The following TASOR variants were observed in gnomAD, a reference collection of about 807,000 sequenced individuals.
TASOR encodes the protein transcription activation suppressor, also known as protein TASOR.
A neutral mutation model predicts 178.6 loss-of-function variants in TASOR; 53 were observed. The observed-to-expected ratio is 0.30, with a 90% confidence interval of 0.24 to 0.37. The LOEUF (loss-of-function observed/expected upper bound fraction) is 0.37, where lower values mean the gene tolerates loss of function less well. Ranked by LOEUF, TASOR falls within the 10% of genes least tolerant of loss-of-function variation. TASOR has a pLI of 1.00. For missense variants in TASOR, 1,815 were observed against 1,971.4 expected (o/e 0.92, Z 1.50); for synonymous variants, 713 against 696.2 (o/e 1.02, Z -0.38).
rs1342000343 is a variant in TASOR at position 56,668,574 on chromosome 3, C to T, written c.736-16G>A. 1 of 1,514,558 alleles carries T rather than the reference C, an allele frequency of 6.6e-7. No homozygotes were observed. Among genetic ancestry groups the T allele is most frequent in the African/African-American group, 1.4e-5 (1 of 71,354 alleles). 93.8% of individuals were successfully genotyped at this position (1,514,558 alleles called of 1,614,324 possible). A position where few individuals can be genotyped will look rare whatever the true frequency, so the allele number is the denominator to read the frequency against. On this transcript the variant is annotated splice_polypyrimidine_tract_variant and intron_variant, in intron 5 of 23. Transcript: ENST00000683822. ...TTATTTTACCCTAAAATAGAGAAAACCTTTTAAGTGTCTACCTAAACCTAA... is the reference window on the plus strand; with the variant it reads ...TTATTTTACCCTAAAATAGAGAAAATCTTTTAAGTGTCTACCTAAACCTAA...
chr3:56,628,549 T>C lies in TASOR; in HGVS notation c.3813A>G (p.Lys1271=), dbSNP rs1286123829. 9 of 1,600,660 alleles carry C rather than the reference T, an allele frequency of 5.6e-6. No individual in the cohort carries two copies. The highest frequency in any genetic ancestry group is 6.8e-6 in the Non-Finnish European group (8 of 1,169,742). The change falls in exon 19 of 24, where the codon AAA becomes AAG. Residue 1271 remains lysine, a synonymous_variant. Coordinates refer to ENST00000683822, the MANE Select transcript of TASOR (RefSeq NM_001365635.2). The stretch of plus-strand genomic sequence containing the variant: ...GAATAATAATCAATAGTTTATCTAA[T>C]TTTGATCTTCTTTCCAAAAACTGTT... The part of the protein sequence containing the change: ...HPEQFLERRS[K]LDKLLIIIQN...
chr3:56,639,532 G>T (rs946245730), intron 16 of TASOR, among the ~76,000 whole-genome samples: 4 of 152,164 alleles, frequency 2.6e-5, no homozygotes, highest in African/African-American at 7.2e-5. Flanking sequence ...AGATAATCCA[G>T]TATTAAGAAA....
intron 23 of TASOR, 120 bp from the exon 24 acceptor site, chr3:56,623,686 A>G: frequency 6.5e-6 from 10 of 1,546,618 alleles, no homozygotes; most frequent in Non-Finnish European, 8.7e-6. Flanking sequence ...AATCCCTTAA[A>G]GCTTGGTCTT....
At chr3:56,673,433 C>CAAAAAA (rs5849162) in intron 2 of TASOR, 147 bp downstream of exon 2, 20 of 194,746 alleles carry the variant, frequency 1.0e-4, no homozygotes, top group South Asian at 1.9e-4. Context: ...ACTCCGTCTC[C>CAAAAAA]AAAAAAAAAA....
At chr3:56,661,163 G>C (rs909585202) in intron 9 of TASOR, 146 bp from the exon 10 acceptor site, 8 of 615,756 alleles carry the variant, frequency 1.3e-5, no homozygotes, top group African/African-American at 1.9e-5. Context: ...CTTTTGTTTC[G>C]TTTGTGACAG....
intron 4 of TASOR, 136 bp downstream of exon 4, chr3:56,669,937 G>A: frequency 1.2e-6 from 1 of 867,784 alleles, no homozygotes; most frequent in South Asian, 1.9e-5. Flanking sequence ...TTACATTTCA[G>A]AACCTATGAC....
chr3:56,677,419 C>T (rs1310658912), intron 1 of TASOR, among the ~76,000 whole-genome samples: 2 of 152,218 alleles, frequency 1.3e-5, no homozygotes, highest in Non-Finnish European at 2.9e-5. Flanking sequence ...AAGAGCTTTA[C>T]ATATATCATC....
rs2107545257 is a variant in TASOR, at chr3:56,633,479, A to G, written c.3312T>C (p.Pro1104=). ...ATGCTATCTTAGCACCAGAATCGTT[A>G]GGACTGACTGGTGGCAAATTCCCAC... ...AKGGNLPPVS[P]NDSGAKIASN... is the part of the protein sequence containing the mutation. The change falls in exon 18 of 24, where the codon CCT becomes CCC. Residue 1104 remains proline (P), a synonymous_variant. Transcript: ENST00000683822. 6.2e-7 allele frequency: 1 copy of G among 1,614,184 alleles called. No homozygotes were observed. The highest frequency in any genetic ancestry group is 8.5e-7 in the Non-Finnish European group (1 of 1,180,026).
At position 56,625,452 on chromosome 3, in the gene TASOR, A is replaced by AG. The variant is rs555946756; in HGVS notation, c.4140-447dup. Reference sequence around the variant, plus strand: ...CACCTGAGATCAGGAGTTCGAGACCAGCCTGGCCAACATGGTGAAACCCCA... The same window carrying AG: ...CACCTGAGATCAGGAGTTCGAGACCAGGCCTGGCCAACATGGTGAAACCCCA... On this transcript the variant is annotated intron_variant, in intron 21 of 23. Transcript: ENST00000683822. Among the ~76,000 whole-genome samples the AG allele has an allele frequency of 2.0e-3, 299 of 152,294 alleles. 12 individuals are homozygous for AG. The South Asian group carries it at 0.057, about 29-fold the overall frequency.
intron 11 of TASOR, among the ~76,000 whole-genome samples, chr3:56,651,121 T>C (rs1364020741): frequency 6.6e-6 from 1 of 152,122 alleles, no homozygotes; most frequent in African/African-American, 2.4e-5. Flanking sequence ...ACAAGCAATC[T>C]ATGATCAGAA....
chr3:56,653,862 T>C (rs2077412668), intron 11 of TASOR, among the ~76,000 whole-genome samples: 3 of 152,116 alleles, frequency 2.0e-5, no homozygotes, highest in African/African-American at 7.2e-5. Flanking sequence ...AAATGAATAA[T>C]GAAAATACTG....
intron 18 of TASOR, among the ~76,000 whole-genome samples, chr3:56,629,957 T>C (rs1468984172): frequency 1.4e-5 from 2 of 141,890 alleles, no homozygotes; most frequent in Admixed American, 7.6e-5. Context: ...CCATCTGACA[T>C]GCCTGCTGGT....
chr3:56,639,559 T>G (rs1030869348), intron 16 of TASOR, among the ~76,000 whole-genome samples: 4 of 152,268 alleles, frequency 2.6e-5, no homozygotes, highest in Non-Finnish European at 5.9e-5. Context: ...TTCTAATAGA[T>G]GAACCTCAAC....
intron 4 of TASOR, 98 bp downstream of exon 4, chr3:56,669,975 C>A: frequency 2.1e-6 from 2 of 934,652 alleles, no homozygotes; most frequent in South Asian, 1.7e-5. Flanking sequence ...CATAATAAAG[C>A]ATGAATTTAA....
chr3:56,675,336 C>G (rs1047570653), intron 1 of TASOR, among the ~76,000 whole-genome samples: 5 of 151,710 alleles, frequency 3.3e-5, no homozygotes, highest in Non-Finnish European at 7.4e-5. Context: ...GCTACCACGC[C>G]CAGCTAATTT....
At position 56,633,046 on chromosome 3, in the gene TASOR, T is replaced by G. The variant is rs2076949394; in HGVS notation, c.3745A>C (p.Lys1249Gln). 6.4e-7 allele frequency: 1 copy of G among 1,566,526 alleles called. No homozygotes were observed. Among genetic ancestry groups the G allele is most frequent in the Non-Finnish European group, 8.6e-7 (1 of 1,162,422 alleles). The change falls in exon 18 of 24, where the codon AAG (lysine) becomes CAG (glutamine). Residue 1249 changes from lysine (K) to glutamine (Q), a missense_variant and splice_region_variant. Coordinates refer to ENST00000683822, the MANE Select transcript of TASOR (RefSeq NM_001365635.2). ...EEESVLCKEI[K>Q]EYLIKLGNTE... The stretch of plus-strand genomic sequence containing the variant: ...CTATTACCTTCTGGTTTAGTTACCT[T>G]TATTTCTTTACAGAGCACACTCTCT...
At chr3:56,676,586 G>T (rs191801944) in intron 1 of TASOR, among the ~76,000 whole-genome samples, 2 of 152,184 alleles carry the variant, frequency 1.3e-5, no homozygotes, top group East Asian at 3.9e-4. Context: ...GGTTTTACAC[G>T]ATTTTGTTTC....
intron 21 of TASOR, among the ~76,000 whole-genome samples, chr3:56,625,307 T>C (rs2076773513): frequency 6.6e-6 from 1 of 152,248 alleles, no homozygotes; most frequent in Non-Finnish European, 1.5e-5. Context: ...TGAACTTTAA[T>C]GAAGGACTTA....
intron 3 of TASOR, among the ~76,000 whole-genome samples, chr3:56,670,873 G>T (rs2030619955): frequency 7.1e-6 from 1 of 140,428 alleles, no homozygotes; most frequent in African/African-American, 2.7e-5. Flanking sequence ...GGAGAAGGAG[G>T]TTGCAGTGAG....
Sources: allele counts gnomAD v4.1 joint callset (sites outside exome capture counted in the v4.1 genomes callset), GRCh38; gene constraint gnomAD v4.1.1; transcripts MANE v1.5; gene names NCBI Gene and HGNC (gene_info 2026-07-23, HGNC 2026-07-21).